SLC25A21: variants seen among roughly 807,000 people sequenced by gnomAD.
The protein encoded by SLC25A21 is solute carrier family 25 member 21.
In SLC25A21, 47 loss-of-function variants were observed where a neutral mutation model predicts 43.8. The observed-to-expected ratio is 1.07, with a 90% confidence interval of 0.85 to 1.37. The LOEUF is 1.37. Ranked by LOEUF, SLC25A21 falls within the 40% of genes most tolerant of loss-of-function variation. SLC25A21 has a pLI of 0.00. For missense variants in SLC25A21, 352 were observed against 350.2 expected (o/e 1.00, Z -0.04); for synonymous variants, 131 against 121.3 (o/e 1.08, Z -0.52).
intron 1 of SLC25A21, among the ~76,000 whole-genome samples, chr14:36,971,659 C>A (rs1176349137): frequency 6.6e-6 from 1 of 152,048 alleles, no homozygotes; most frequent in East Asian, 1.9e-4. Context: ...CTCCTCTCTC[C>A]TTTCTTCTGC....
chr14:37,087,658 C>G (rs1962510452), intron 1 of SLC25A21, among the ~76,000 whole-genome samples: 1 of 152,198 alleles, frequency 6.6e-6, no homozygotes, highest in Non-Finnish European at 1.5e-5. Flanking sequence ...CATCTACTCA[C>G]CAAGCTATCA....
intron 1 of SLC25A21, among the ~76,000 whole-genome samples, chr14:36,982,349 C>G (rs1465230329): frequency 5.3e-5 from 8 of 152,072 alleles, no homozygotes; most frequent in African/African-American, 1.7e-4. Flanking sequence ...ATGAGTAAAC[C>G]TGCAGTGTAC....
intron 1 of SLC25A21, among the ~76,000 whole-genome samples, chr14:37,041,548 A>C (rs1231759059): frequency 6.6e-6 from 1 of 152,192 alleles, no homozygotes; most frequent in East Asian, 1.9e-4. Flanking sequence ...ATGACTTATC[A>C]GCAGCACATA....
chr14:36,897,159 A>T (rs1159205912), intron 1 of SLC25A21, among the ~76,000 whole-genome samples: 1 of 152,158 alleles, frequency 6.6e-6, no homozygotes, highest in Non-Finnish European at 1.5e-5. Context: ...CATTCTCCCC[A>T]TCACTTTCAG....
intron 1 of SLC25A21, among the ~76,000 whole-genome samples, chr14:36,907,537 C>T (rs146655716): frequency 6.6e-6 from 1 of 152,118 alleles, no homozygotes; most frequent in Admixed American, 6.6e-5. Flanking sequence ...TACAAACGTA[C>T]TAAAAATACA....
intron 1 of SLC25A21, among the ~76,000 whole-genome samples, chr14:36,966,063 A>C (rs1368233058): frequency 1.3e-5 from 2 of 152,210 alleles, no homozygotes; most frequent in East Asian, 3.8e-4. Flanking sequence ...TAAACTCTTA[A>C]ACAAACAAAA....
chr14:37,151,351 T>C (rs1354433375), intron 1 of SLC25A21, among the ~76,000 whole-genome samples: 1 of 152,162 alleles, frequency 6.6e-6, no homozygotes, highest in Non-Finnish European at 1.5e-5. Flanking sequence ...TCCTGACCAA[T>C]TGCCTGTAGC....
chr14:36,920,515 T>A (rs1007844166), intron 1 of SLC25A21, among the ~76,000 whole-genome samples: 3 of 152,026 alleles, frequency 2.0e-5, no homozygotes, highest in African/African-American at 7.2e-5. Flanking sequence ...GTGCTGTGTA[T>A]CTTAAAAATA....
chr14:36,742,263 C>T (rs756801837), intron 3 of SLC25A21, among the ~76,000 whole-genome samples: 4 of 152,166 alleles, frequency 2.6e-5, no homozygotes, highest in Non-Finnish European at 5.9e-5. Flanking sequence ...TCTTCTTCTG[C>T]TGTCAGATCC....
chr14:37,139,325 G>A lies in SLC25A21; in HGVS notation c.70+32956C>T, dbSNP rs115104706. Among the ~76,000 whole-genome samples, 923 of 151,922 alleles carry A rather than the reference G, an allele frequency of 6.1e-3. 11 individuals carry two copies. Among genetic ancestry groups the A allele is most frequent in the African/African-American group, 0.022 (894 of 41,470 alleles). On this transcript the variant is annotated intron_variant, in intron 1 of 9. Coordinates refer to ENST00000331299, the MANE Select transcript of SLC25A21 (RefSeq NM_030631.4). ...TTATGATTATCATGCATTTTAAAAG[G>A]GAACATTTATTCTAATAAGAAAAGT... is the stretch of plus-strand genomic sequence containing the variant.
At chr14:36,935,354 A>G (rs1405551250) in intron 1 of SLC25A21, among the ~76,000 whole-genome samples, 1 of 152,184 alleles carries the variant, frequency 6.6e-6, no homozygotes, top group African/African-American at 2.4e-5. Flanking sequence ...GCTTGATTTG[A>G]GAGATCTCTC....
At chr14:37,063,774 C>G (rs767435091) in intron 1 of SLC25A21, among the ~76,000 whole-genome samples, 16 of 152,128 alleles carry the variant, frequency 1.1e-4, no homozygotes, top group Admixed American at 2.0e-4. Context: ...CTTGATTCAA[C>G]AGCTAACCCA....
intron 3 of SLC25A21, among the ~76,000 whole-genome samples, chr14:36,780,098 C>T (rs1886996909): frequency 2.0e-5 from 3 of 151,758 alleles, no homozygotes; most frequent in Middle Eastern, 3.4e-3. Flanking sequence ...GGAATTTATC[C>T]ACTTTTTTTG....
chr14:37,147,998 T>C (rs1348620783), intron 1 of SLC25A21, among the ~76,000 whole-genome samples: 2 of 151,716 alleles, frequency 1.3e-5, no homozygotes, highest in Non-Finnish European at 2.9e-5. Context: ...CCACCACACC[T>C]GGCTGATTTT....
intron 2 of SLC25A21, among the ~76,000 whole-genome samples, chr14:36,821,804 G>A (rs777012512): frequency 6.6e-6 from 1 of 152,144 alleles, no homozygotes; most frequent in Admixed American, 6.5e-5. Flanking sequence ...ACGACAGTGC[G>A]AGATTCTGTC....
chr14:36,795,709 A>G (rs1887647599), intron 3 of SLC25A21, among the ~76,000 whole-genome samples: 2 of 152,168 alleles, frequency 1.3e-5, no homozygotes, highest in Non-Finnish European at 2.9e-5. Flanking sequence ...CATGCCTTAA[A>G]TAAGTCATCC....
chr14:37,021,598 A>G (rs534042721), intron 1 of SLC25A21, among the ~76,000 whole-genome samples: 1 of 152,092 alleles, frequency 6.6e-6, no homozygotes, highest in Non-Finnish European at 1.5e-5. Context: ...TGCAGACTTC[A>G]GCTCTGTAAA....
intron 2 of SLC25A21, chr14:36,870,423 A>G (rs1235904070): frequency 1.3e-5 from 2 of 152,228 alleles, no homozygotes; most frequent in East Asian, 3.9e-4. Flanking sequence ...GATTGTCAGC[A>G]GTCCTTGGTA....
At chr14:37,026,045 C>T (rs944079456) in intron 1 of SLC25A21, among the ~76,000 whole-genome samples, 7 of 151,918 alleles carry the variant, frequency 4.6e-5, no homozygotes, top group Admixed American at 2.0e-4. Flanking sequence ...CAGGAAAGCA[C>T]GCAGAAGATA....
Sources: gnomAD v4.1 joint callset for allele counts (sites outside exome capture counted in the v4.1 genomes callset) on GRCh38, gnomAD v4.1.1 for gene constraint, MANE v1.5 for transcripts, NCBI Gene and HGNC (gene_info 2026-07-23, HGNC 2026-07-21) for gene names.